The following TIMD4 variants were observed in gnomAD, a reference collection of about 807,000 sequenced individuals.
The protein encoded by TIMD4 is T cell immunoglobulin and mucin domain containing 4.
In TIMD4, 31 loss-of-function variants were observed where a neutral mutation model predicts 41.2. That is an observed-to-expected ratio of 0.75 (90% CI 0.57 to 1.01). The LOEUF (loss-of-function observed/expected upper bound fraction) is 1.01, where lower values mean the gene tolerates loss of function less well. Ranked by LOEUF, TIMD4 falls within the 50% of genes least tolerant of loss-of-function variation. The pLI is 0.00. For missense variants in TIMD4, 479 were observed against 472.5 expected (o/e 1.01, Z -0.13); for synonymous variants, 204 against 177.1 (o/e 1.15, Z -1.21).
intron 6 of TIMD4, among the ~76,000 whole-genome samples, chr5:156,923,541 T>C (rs934579000): frequency 7.3e-5 from 11 of 151,040 alleles, no homozygotes; most frequent in African/African-American, 2.7e-4. Context: ...AGAAACTGAT[T>C]TTTTTTTTCT....
chr5:156,950,738 A>C (rs1270072638), intron 3 of TIMD4, among the ~76,000 whole-genome samples: 1 of 152,220 alleles, frequency 6.6e-6, no homozygotes, highest in Non-Finnish European at 1.5e-5. Flanking sequence ...GAACTAGTTC[A>C]CCATCAGGGG....
At chr5:156,926,382 G>A (rs778360945) in intron 5 of TIMD4, 70 bp from the exon 6 acceptor site, 2 of 1,484,218 alleles carry the variant, frequency 1.3e-6, no homozygotes, top group Non-Finnish European at 1.9e-6. Flanking sequence ...CCTGAAATAG[G>A]TAATTAAGAG....
At chr5:156,938,652 C>G (rs1428719716) in intron 5 of TIMD4, among the ~76,000 whole-genome samples, 1 of 152,148 alleles carries the variant, frequency 6.6e-6, no homozygotes, top group Non-Finnish European at 1.5e-5. Flanking sequence ...TATGCCATGC[C>G]AGAATACATC....
chr5:156,943,159 T>C (rs531877845), intron 5 of TIMD4, among the ~76,000 whole-genome samples: 5 of 152,186 alleles, frequency 3.3e-5, no homozygotes, highest in Non-Finnish European at 7.3e-5. Context: ...TGGCCTCTTG[T>C]TACCCTGCTG....
At chr5:156,948,208 C>T (rs892632141) in intron 5 of TIMD4, among the ~76,000 whole-genome samples, 6 of 151,770 alleles carry the variant, frequency 4.0e-5, no homozygotes, top group African/African-American at 1.5e-4. Flanking sequence ...CTCATGAGAA[C>T]ACAGCCCCAG....
chr5:156,947,691 A>T (rs1369139574), intron 5 of TIMD4, among the ~76,000 whole-genome samples: 1 of 152,266 alleles, frequency 6.6e-6, no homozygotes, highest in African/African-American at 2.4e-5. Flanking sequence ...TGCATATAGC[A>T]TGATAACATT....
intron 7 of TIMD4, 24 bp from the exon 8 acceptor site, chr5:156,920,527 G>A (rs1463939415): frequency 3.7e-6 from 6 of 1,613,318 alleles, no homozygotes; most frequent in Admixed American, 3.3e-5. Context: ...GCCACAGTGT[G>A]AGCAGAGTGG....
chr5:156,941,433 T>C (rs548048166), intron 5 of TIMD4, among the ~76,000 whole-genome samples: 166 of 152,354 alleles, frequency 1.1e-3, no homozygotes, highest in South Asian at 4.1e-3. Flanking sequence ...CCTATCTCTA[T>C]TTTTGGATTA....
In TIMD4 at chr5:156,952,669, A is replaced by G. The variant is rs77437744; in HGVS notation, c.401-879T>C. On this transcript the variant is annotated intron_variant, in intron 2 of 8. Coordinates refer to ENST00000274532, the MANE Select transcript of TIMD4 (RefSeq NM_138379.3). ...TCCAATAATGATTAGGCTTTATTAT[A>G]TGCTCTCATAGTTTACCTCCACAGC... is the stretch of plus-strand genomic sequence containing the variant. 1.2e-4 allele frequency among the ~76,000 whole-genome samples: 19 copies of G among 152,350 alleles called. No homozygotes were observed. The East Asian group carries it at 2.9e-3, about 23-fold the overall frequency.
chr5:156,925,675 C>T (rs985964228), intron 6 of TIMD4, among the ~76,000 whole-genome samples: 2 of 152,178 alleles, frequency 1.3e-5, no homozygotes, highest in African/African-American at 2.4e-5. Flanking sequence ...CTCTGGGTCA[C>T]GCAGACGGAA....
At position 156,922,167 on chromosome 5, in the gene TIMD4, A is replaced by T; in HGVS notation, c.944T>A (p.Leu315Gln). The T allele has an allele frequency of 6.2e-7, 1 of 1,614,088 alleles. No individual in the cohort carries two copies. The highest frequency in any genetic ancestry group is 2.2e-5 in the East Asian group (1 of 44,888). The change falls in exon 7 of 9, where the codon CTA becomes CAA. Residue 315 changes from leucine (L) to glutamine (Q), a missense_variant. Leu to Gln is a moderately radical substitution (Grantham distance 113). Coordinates refer to ENST00000274532, the MANE Select transcript of TIMD4 (RefSeq NM_138379.3). ...SMKNEMPISQLLMIIAPSLGF... is the reference protein window; with the variant it reads ...SMKNEMPISQQLMIIAPSLGF... ...CAAGGAGGGGGCGATGATCATCAGT[A>T]GTTGGGAGATGGGCATTTCATTCTT...
chr5:156,952,150 C>G (rs1561553566), intron 2 of TIMD4, among the ~76,000 whole-genome samples: 1 of 151,888 alleles, frequency 6.6e-6, no homozygotes, highest in East Asian at 1.9e-4. Flanking sequence ...ATTAGCTGGG[C>G]CTGGTGGTGT....
Position 156,949,665 on chromosome 5 carries a change from A to G in TIMD4, c.746T>C (p.Leu249Pro). The G allele has an allele frequency of 6.2e-7, 1 of 1,612,790 alleles. No individual in the cohort carries two copies. Among genetic ancestry groups the G allele is most frequent in the Non-Finnish European group, 8.5e-7 (1 of 1,178,824 alleles). Residue 249 changes from leucine to proline, a missense_variant, in exon 4 of 9, where the codon CTG (leucine) becomes CCG (proline). By Grantham distance (98) the Leu-to-Pro change is moderately conservative (BLOSUM62 -3). Transcript: ENST00000274532. ...SVESTSADTV[L>P]LTSKESKVWD... ...TGTCTGCACACCTTTGGATGTCAGC[A>G]GGACAGTGTCAGCAGAAGTAGACTC...
intron 7 of TIMD4, among the ~76,000 whole-genome samples, chr5:156,921,870 C>CT (rs1304770460): frequency 2.0e-5 from 3 of 152,142 alleles, no homozygotes; most frequent in Admixed American, 6.6e-5. Flanking sequence ...TGCTCTTCTG[C>CT]TTTTTTTCCT....
At chr5:156,924,456 C>T in intron 6 of TIMD4, 2 of 490,230 alleles carry the variant, frequency 4.1e-6, no homozygotes, top group Admixed American at 2.3e-5. Context: ...TTTTCCAGGA[C>T]TGGGTGTTAT....
rs562964707 is a variant in TIMD4, at chr5:156,927,627, G to C, written c.845-1315C>G. Among the ~76,000 whole-genome samples the C allele has an allele frequency of 2.8e-4, 42 of 152,326 alleles. No individual in the cohort carries two copies. In the South Asian group the frequency reaches 8.1e-3, roughly 29 times the overall value. On this transcript the variant is annotated intron_variant, in intron 5 of 8. Coordinates refer to ENST00000274532, the MANE Select transcript of TIMD4 (RefSeq NM_138379.3). ...TCTAATTCCAGGTCTGAAATTCAGA[G>C]CTAGTAAAACCAAAGAGAGAGAGAG...
chr5:156,946,944 C>T (rs1413986014), intron 5 of TIMD4, among the ~76,000 whole-genome samples: 4 of 151,912 alleles, frequency 2.6e-5, no homozygotes, highest in African/African-American at 4.8e-5. Flanking sequence ...ATGCCTGCAA[C>T]CCCAGCACTT....
At chr5:156,951,230 C>G (rs903462785) in intron 3 of TIMD4, among the ~76,000 whole-genome samples, 3 of 152,148 alleles carry the variant, frequency 2.0e-5, no homozygotes, top group African/African-American at 7.2e-5. Flanking sequence ...GAAGGACAGG[C>G]AGAGGGAAGA....
At chr5:156,946,608 C>T (rs560062773) in intron 5 of TIMD4, among the ~76,000 whole-genome samples, 10 of 151,960 alleles carry the variant, frequency 6.6e-5, no homozygotes, top group African/African-American at 2.2e-4. Context: ...TCTCGAGTAG[C>T]TAGGACTACG....
Sources: gnomAD v4.1 joint callset for allele counts (sites outside exome capture counted in the v4.1 genomes callset) on GRCh38, gnomAD v4.1.1 for gene constraint, MANE v1.5 for transcripts, NCBI Gene and HGNC (gene_info 2026-07-23, HGNC 2026-07-21) for gene names.